IMPDH1: variants seen among roughly 807,000 people sequenced by gnomAD.
The protein encoded by IMPDH1 is inosine monophosphate dehydrogenase 1.
Under a neutral mutation model 73.5 loss-of-function variants are expected in IMPDH1, and 41 were observed. That is an observed-to-expected ratio of 0.56 (90% CI 0.43 to 0.72). The LOEUF is 0.72. IMPDH1 is among the 30% of genes least tolerant of loss of function. The probability of loss-of-function intolerance (pLI) is 0.00; values close to 1 mark genes in which losing one functional copy is unlikely to be tolerated. For synonymous variants in IMPDH1, 318 were observed against 334.3 expected, an observed-to-expected ratio of 0.95 and a Z score of 0.53; for missense variants, 645 against 824.8, an observed-to-expected ratio of 0.78 and a Z score of 2.67.
At chr7:128,397,355 A>G (rs1174405141) in intron 10 of IMPDH1, among the ~76,000 whole-genome samples, 1 of 152,152 alleles carries the variant, frequency 6.6e-6, no homozygotes, top group African/African-American at 2.4e-5. Context: ...AACCAAATGA[A>G]ATGACTTAAC....
chr7:128,401,156 C>T (rs555886972), intron 5 of IMPDH1, 40 bp from the exon 6 acceptor site: 6 of 1,458,016 alleles, frequency 4.1e-6, no homozygotes, highest in Admixed American at 1.7e-5. Flanking sequence ...AGTTTATCAC[C>T]CACTGGACAC....
In IMPDH1 at chr7:128,409,897, T is replaced by TC. The variant is rs1452205621; in HGVS notation, c.4dup (p.Glu2GlyfsTer50). ...CAGCGGTGGTGGAGTGAGTGGCCCC[T>TC]CCATGCGGAGGCCGCAGCTCAGGGC... On this transcript the variant is annotated frameshift_variant, in exon 1 of 17. Transcript: ENST00000338791. LOFTEE classifies it high-confidence loss of function. 42 of 1,418,110 alleles carry TC rather than the reference T, an allele frequency of 3.0e-5. No individual in the cohort carries two copies. Among genetic ancestry groups the TC allele is most frequent in the African/African-American group, 4.5e-5 (3 of 66,882 alleles). 87.8% of individuals were successfully genotyped at this position (1,418,110 alleles called of 1,614,324 possible). A position where few individuals can be genotyped will look rare whatever the true frequency, so the allele number is the denominator to read the frequency against.
At chr7:128,402,593 C>T (rs1191940165) in intron 5 of IMPDH1, among the ~76,000 whole-genome samples, 1 of 152,252 alleles carries the variant, frequency 6.6e-6, no homozygotes, top group African/African-American at 2.4e-5. Context: ...TCTGGCTAAA[C>T]ACCAGCTGGA....
chr7:128,400,526 C>G lies in IMPDH1; in HGVS notation c.593G>C (p.Gly198Ala). Reference protein sequence around the residue: ...EVRKVKKFEQGFITDPVVLSP... With the variant: ...EVRKVKKFEQAFITDPVVLSP... ...CAGCACCACAGGGTCCGTGATGAAG[C>G]CCTGTTCAAACTTCTGCGGGCAGAG... The change falls in exon 8 of 17, where the codon GGC becomes GCC. Residue 198 changes from glycine (G) to alanine (A), a missense_variant. Coordinates refer to ENST00000338791, the MANE Select transcript of IMPDH1 (RefSeq NM_000883.4). The G allele has an allele frequency of 6.2e-7, 1 of 1,612,684 alleles. No individual in the cohort carries two copies. Among genetic ancestry groups the G allele is most frequent in the Non-Finnish European group, 8.5e-7 (1 of 1,179,850 alleles).
rs1797948098 is a variant in IMPDH1 at position 128,396,784 on chromosome 7, C to T, written c.1166-89G>A. 4.0e-6 allele frequency: 5 copies of T among 1,263,290 alleles called. No individual in the cohort carries two copies. The highest frequency in any genetic ancestry group is 2.5e-5 in the East Asian group (1 of 39,526). The allele number at this position is 1,263,290 out of a possible 1,614,324, so 78.3% of individuals were successfully genotyped here. On this transcript the variant is annotated intron_variant, in intron 11 of 16. Coordinates refer to ENST00000338791, the MANE Select transcript of IMPDH1 (RefSeq NM_000883.4). This position sits in a 1 kb window ranked among gnomAD's most constrained non-coding sequence, Gnocchi z 4.0. ...CTCTTGGGACCCCAGTCTAGCACCC[C>T]CCAACCCCCCTACAGTGACCAAAGC...
chr7:128,398,629 G>C lies in IMPDH1; in HGVS notation c.875-16C>G, dbSNP rs767333304. ...GGCAGCTTCCCTGACAAGGAATGCAGGGGTGAAATGAAGCAGGCTTGGTGG... is the reference window on the plus strand; with the variant it reads ...GGCAGCTTCCCTGACAAGGAATGCACGGGTGAAATGAAGCAGGCTTGGTGG... On this transcript the variant is annotated splice_polypyrimidine_tract_variant and intron_variant, in intron 9 of 16. Coordinates refer to ENST00000338791, the MANE Select transcript of IMPDH1 (RefSeq NM_000883.4). The surrounding 1 kb of genome is among the most constrained non-coding windows in gnomAD (Gnocchi z 4.3). 6 of 1,607,698 alleles carry C rather than the reference G, an allele frequency of 3.7e-6. No individual in the cohort carries two copies. The East Asian group carries it at 1.3e-4, about 36-fold the overall frequency.
chr7:128,400,671 GA>G, intron 7 of IMPDH1, 132 bp from the exon 8 acceptor site: 1 of 1,179,612 alleles, frequency 8.5e-7, no homozygotes, highest in Non-Finnish European at 1.3e-6. Flanking sequence ...GAGCCAGTGG[GA>G]AAATGAGGGC....
chr7:128,396,933 G>A lies in IMPDH1; in HGVS notation c.1164C>T (p.Asn388=), dbSNP rs149603914. ...KYPHLQVIGG[N]VVTAAQAKNL... Reference sequence around the variant, plus strand: ...GGTGGGAGGCGACCCCGCACTCACCGTTCCCCCCAATCACCTGGAGGTGGG... The same window carrying A: ...GGTGGGAGGCGACCCCGCACTCACCATTCCCCCCAATCACCTGGAGGTGGG... Residue 388 remains asparagine, a splice_region_variant and synonymous_variant, in exon 11 of 17, where the codon AAC becomes AAT. Transcript: ENST00000338791. The surrounding 1 kb of genome is among the most constrained non-coding windows in gnomAD (Gnocchi z 4.0). The A allele has an allele frequency of 3.6e-5, 58 of 1,610,690 alleles. No homozygotes were observed. Among genetic ancestry groups the A allele is most frequent in the South Asian group, 6.6e-5 (6 of 91,016 alleles).
chr7:128,402,638 C>T lies in IMPDH1; in HGVS notation c.402+1068G>A, dbSNP rs182372481. 2.0e-5 allele frequency among the ~76,000 whole-genome samples: 3 copies of T among 152,336 alleles called. No homozygotes were observed. The East Asian group carries it at 5.8e-4, about 29-fold the overall frequency. ...CCCTCACATGTAAGTGATCCAGGCACACTCAGGCCCTCTGGCCTTTCATGA... is the reference window on the plus strand; with the variant it reads ...CCCTCACATGTAAGTGATCCAGGCATACTCAGGCCCTCTGGCCTTTCATGA... On this transcript the variant is annotated intron_variant, in intron 5 of 16. Coordinates refer to ENST00000338791, the MANE Select transcript of IMPDH1 (RefSeq NM_000883.4).
intron 8 of IMPDH1, 46 bp downstream of exon 8, chr7:128,400,287 A>G: frequency 6.2e-7 from 1 of 1,601,480 alleles, no homozygotes; most frequent in Non-Finnish European, 8.6e-7. Context: ...CCCCAGCGTG[A>G]GGGTCCTCTC....
chr7:128,400,873 A>T lies in IMPDH1; in HGVS notation c.523T>A (p.Phe175Ile), dbSNP rs1798285930. ...TCTGGGGTGCAGTTGTGGTGAATGA[A>T]ACCAATACCTCCCATCAGCTGATGT... ...IAMALMGGIG[F>I]IHHNCTPEFQ... The change falls in exon 7 of 17, where the codon TTC (phenylalanine) becomes ATC (isoleucine). Residue 175 changes from phenylalanine to isoleucine, a missense_variant. Physicochemically the swap from Phe to Ile is conservative, Grantham distance 21. Transcript: ENST00000338791. 6.2e-7 allele frequency: 1 copy of T among 1,614,152 alleles called. No individual in the cohort carries two copies. Among genetic ancestry groups the T allele is most frequent in the African/African-American group, 1.3e-5 (1 of 75,048 alleles).
Position 128,400,191 on chromosome 7 carries a change from C to A in IMPDH1, c.787-9G>T. 6.2e-7 allele frequency: 1 copy of A among 1,614,076 alleles called. No individual in the cohort carries two copies. The highest frequency in any genetic ancestry group is 8.5e-7 in the Non-Finnish European group (1 of 1,180,000). On this transcript the variant is annotated splice_polypyrimidine_tract_variant and intron_variant, in intron 8 of 16. Coordinates refer to ENST00000338791, the MANE Select transcript of IMPDH1 (RefSeq NM_000883.4). ...ATCCTTGGCGTCATCACCTGTGGGG[C>A]CAGGAACATTTGCCTGCAGGTTGGC...
chr7:128,395,493 G>A (rs1009577551), intron 12 of IMPDH1, among the ~76,000 whole-genome samples: 2 of 152,242 alleles, frequency 1.3e-5, no homozygotes, highest in Non-Finnish European at 2.9e-5. Context: ...GAGCATGACA[G>A]GGGATTCTGA....
At chr7:128,403,822 C>T (rs1050557442) in intron 4 of IMPDH1, 68 bp from the exon 5 acceptor site, 1 of 1,369,244 alleles carries the variant, frequency 7.3e-7, no homozygotes, top group Non-Finnish European at 1.0e-6. Context: ...GCCTGCCATG[C>T]CAGAGGAGGC....
intron 3 of IMPDH1, among the ~76,000 whole-genome samples, chr7:128,408,563 G>T (rs557866846): frequency 3.0e-4 from 12 of 40,442 alleles, no homozygotes; most frequent in South Asian, 7.6e-4. Context: ...GAGCCCAAGT[G>T]GGGGGTGCGG....
In IMPDH1 at chr7:128,405,803, T is replaced by G. The variant is rs1237333745; in HGVS notation, c.317A>C (p.Gln106Pro). 1 of 1,543,032 alleles carries G rather than the reference T, an allele frequency of 6.5e-7. No homozygotes were observed. The highest frequency in any genetic ancestry group is 2.5e-5 in the East Asian group (1 of 40,268). Reference sequence around the variant, plus strand: ...GCCGTCGGCGCTGGCGAAGAGCTGCTGCGCGGTGAGCCCATCCTCGGGCAC... The same window carrying G: ...GCCGTCGGCGCTGGCGAAGAGCTGCGGCGCGGTGAGCCCATCCTCGGGCAC... ...GYVPEDGLTA[Q>P]QLFASADGLT... is the part of the protein sequence containing the mutation. The change falls in exon 4 of 17, where the codon CAG becomes CCG. Residue 106 changes from glutamine to proline, a missense_variant. Physicochemically the swap from Gln to Pro is moderately conservative, Grantham distance 76. Coordinates refer to ENST00000338791, the MANE Select transcript of IMPDH1 (RefSeq NM_000883.4).
chr7:128,408,722 C>T (rs988867609), intron 3 of IMPDH1, among the ~76,000 whole-genome samples: 11 of 152,224 alleles, frequency 7.2e-5, no homozygotes, highest in African/African-American at 2.4e-4. Flanking sequence ...AAGCCCCAAC[C>T]GGCTCATTCA....
At chr7:128,402,154 G>A (rs1430363850) in intron 5 of IMPDH1, among the ~76,000 whole-genome samples, 1 of 151,776 alleles carries the variant, frequency 6.6e-6, no homozygotes, top group South Asian at 2.1e-4. Context: ...CCAGGCTAGA[G>A]TACAGTAGTG....
In IMPDH1 at chr7:128,401,079, T is replaced by A. The variant is rs1344285775; in HGVS notation, c.440A>T (p.Lys147Met). The A allele has an allele frequency of 8.1e-6, 13 of 1,613,920 alleles. No homozygotes were observed. The highest frequency in any genetic ancestry group is 1.1e-5 in the Non-Finnish European group (13 of 1,180,014). The change falls in exon 6 of 17, where the codon AAG becomes ATG. Residue 147 changes from lysine to methionine, a missense_variant. By Grantham distance (95) the Lys-to-Met change is moderately conservative. Transcript: ENST00000338791. ...TSALTRKITL[K>M]TPLISSPMDT... ...CATGGGGGAGGAGATCAGTGGCGTC[T>A]TCAGCGTGATCTTCCGGGTCAGGGC... is the stretch of plus-strand genomic sequence containing the variant.
Sources: gnomAD v4.1 joint callset for allele counts (sites outside exome capture counted in the v4.1 genomes callset) on GRCh38, gnomAD v4.1.1 for gene constraint, Gnocchi (gnomAD v3.1) non-coding constraint, MANE v1.5 for transcripts, NCBI Gene and HGNC (gene_info 2026-07-23, HGNC 2026-07-21) for gene names.